The following KHDC4 variants were observed in gnomAD, a reference collection of about 807,000 sequenced individuals.
The protein encoded by KHDC4 is KH homology domain-containing protein 4.
A neutral mutation model predicts 74.5 loss-of-function variants in KHDC4; 19 were observed. The ratio of observed to expected loss-of-function variants is 0.26; its 90% CI spans 0.18 to 0.37. KHDC4 has a LOEUF of 0.37. Ranked by LOEUF, KHDC4 falls within the 10% of genes least tolerant of loss-of-function variation. The pLI, the probability that KHDC4 is intolerant of heterozygous loss-of-function variation, is 1.00. For missense variants in KHDC4, 632 were observed against 754.1 expected (o/e 0.84, Z 1.90); for synonymous variants, 253 against 266.1 (o/e 0.95, Z 0.48).
At chr1:155,926,414 C>T (rs1673999004) in intron 6 of KHDC4, 4 of 425,914 alleles carry the variant, frequency 9.4e-6, no homozygotes, top group Non-Finnish European at 1.3e-5. Context: ...CCTGCAACCT[C>T]CACCTCCCGG....
intron 4 of KHDC4, 121 bp from the exon 5 acceptor site, chr1:155,927,277 AC>A: frequency 1.4e-6 from 1 of 704,960 alleles, no homozygotes; most frequent in South Asian, 1.7e-5. Context: ...GGGACTATAT[AC>A]ATTAGAAGGG....
At position 155,927,562 on chromosome 1, in the gene KHDC4, T is replaced by C. The variant is rs568480597; in HGVS notation, c.465-406A>G. Reference sequence around the variant, plus strand: ...GCTCATGTCTGTAATCCCAGCACTTTGGGAGGCTGAGGTGGGTGGATGACA... The same window carrying C: ...GCTCATGTCTGTAATCCCAGCACTTCGGGAGGCTGAGGTGGGTGGATGACA... On this transcript the variant is annotated intron_variant, in intron 4 of 13. Transcript: ENST00000368321. 1.2e-4 allele frequency among the ~76,000 whole-genome samples: 18 copies of C among 152,128 alleles called. No homozygotes were observed. The East Asian group carries it at 3.5e-3, about 29-fold the overall frequency.
At chr1:155,916,569 A>G in intron 12 of KHDC4, 56 bp downstream of exon 12, 1 of 1,174,248 alleles carries the variant, frequency 8.5e-7, no homozygotes, top group Non-Finnish European at 1.3e-6. Flanking sequence ...CATTACTCTC[A>G]CTAATGGTGC....
At position 155,916,654 on chromosome 1, in the gene KHDC4, A is replaced by G; in HGVS notation, c.1524T>C (p.Ser508=). The G allele has an allele frequency of 6.2e-7, 1 of 1,613,606 alleles. No individual in the cohort carries two copies. The highest frequency in any genetic ancestry group is 8.5e-7 in the Non-Finnish European group (1 of 1,179,842). The change falls in exon 12 of 14, where the codon AGT becomes AGC. Residue 508 remains serine, a synonymous_variant. Transcript: ENST00000368321. ...EIEGAGSKPA[S]SSGKERERDR... is the part of the protein sequence containing the mutation. ...CCCTCTCTCTCTCTTTGCCTGAGGA[A>G]CTTGCTGGCTTCGATCCTGCACCTT...
At chr1:155,919,911 C>A (rs759907768) in intron 10 of KHDC4, 2 of 367,118 alleles carry the variant, frequency 5.4e-6, no homozygotes, top group Non-Finnish European at 1.1e-5. Flanking sequence ...TTGTTACACA[C>A]TGTGCAACCC....
rs1278560152 is a variant in KHDC4, at chr1:155,921,379, C to T, written c.1262G>A (p.Gly421Glu). ...ITQVQPPASTGQSPMGGPFIP... is the reference protein window; with the variant it reads ...ITQVQPPASTEQSPMGGPFIP... The stretch of plus-strand genomic sequence containing the variant: ...TTGCATATCCTGACATCCTACCTGT[C>T]CAGTGCTAGCTGGAGGCTGCACTTG... The change falls in exon 10 of 14, where the codon GGA (glycine) becomes GAA (glutamate). Residue 421 changes from glycine (G) to glutamate (E), a missense_variant. Gly to Glu is a moderately conservative substitution (Grantham distance 98, BLOSUM62 -2). Coordinates refer to ENST00000368321, the MANE Select transcript of KHDC4 (RefSeq NM_014949.4). 6.2e-7 allele frequency: 1 copy of T among 1,614,032 alleles called. No individual in the cohort carries two copies. Among genetic ancestry groups the T allele is most frequent in the Non-Finnish European group, 8.5e-7 (1 of 1,179,920 alleles).
chr1:155,932,545 G>A (rs1426317815), intron 2 of KHDC4: 4 of 151,972 alleles, frequency 2.6e-5, no homozygotes, highest in African/African-American at 9.7e-5. Flanking sequence ...GAAAAAAAAA[G>A]AGCTTAAACG....
chr1:155,915,640 T>G, intron 13 of KHDC4: 1 of 448,596 alleles, frequency 2.2e-6, no homozygotes, highest in Non-Finnish European at 3.9e-6. Context: ...CCTGAGTAGC[T>G]GGAATTACAG....
At chr1:155,928,593 C>A (rs140936884) in intron 4 of KHDC4, among the ~76,000 whole-genome samples, 182 of 89,170 alleles carry the variant, frequency 2.0e-3, no homozygotes, top group African/African-American at 5.7e-3. Flanking sequence ...ATCATAAAGA[C>A]AAAAAAAAAA....
At chr1:155,930,172 C>G (rs1674111160) in intron 2 of KHDC4, among the ~76,000 whole-genome samples, 1 of 152,164 alleles carries the variant, frequency 6.6e-6, no homozygotes, top group Non-Finnish European at 1.5e-5. Flanking sequence ...CTCGGCCTCC[C>G]AAAGTGCTGG....
intron 11 of KHDC4, among the ~76,000 whole-genome samples, chr1:155,917,291 A>G (rs1673753843): frequency 1.3e-5 from 2 of 152,156 alleles, no homozygotes; most frequent in South Asian, 2.1e-4. Flanking sequence ...ATACTGGTAG[A>G]TCAAGAGCTT....
intron 2 of KHDC4, 44 bp from the exon 3 acceptor site, chr1:155,929,884 TAA>T (rs773036471): frequency 2.2e-6 from 3 of 1,349,080 alleles, no homozygotes; most frequent in East Asian, 2.7e-5. Context: ...TATGATGAGA[TAA>T]AGTCTATTTT....
intron 3 of KHDC4, 66 bp downstream of exon 3, chr1:155,929,646 A>G (rs1674100881): frequency 1.3e-6 from 2 of 1,549,058 alleles, no homozygotes; most frequent in South Asian, 2.4e-5. Context: ...ACGCCTGTCT[A>G]TTTAGAGGTC....
intron 1 of KHDC4, 79 bp downstream of exon 1, chr1:155,934,257 T>C: frequency 1.4e-6 from 2 of 1,455,172 alleles, no homozygotes; most frequent in Non-Finnish European, 1.9e-6. Context: ...CCTTCCACCC[T>C]ATACGCAGCT....
chr1:155,934,191 G>C lies in KHDC4; in HGVS notation c.38+145C>G. The C allele has an allele frequency of 3.2e-6, 3 of 930,656 alleles. No homozygotes were observed. The South Asian group carries it at 4.9e-5, about 15-fold the overall frequency. 57.6% of individuals were successfully genotyped at this position (930,656 alleles called of 1,614,324 possible). ...CCCGCCGGCCCTTTAAGGGCCCCAG[G>C]CCTGCTCAAGATCCTTCTCCCCAAA... is the stretch of plus-strand genomic sequence containing the variant. On this transcript the variant is annotated intron_variant, in intron 1 of 13. Coordinates refer to ENST00000368321, the MANE Select transcript of KHDC4 (RefSeq NM_014949.4).
chr1:155,914,239 T>C lies in KHDC4; in HGVS notation c.1727A>G (p.Glu576Gly). Reference protein sequence around the residue: ...AYAADSSDEEEEHGGHKNASS... With the variant: ...AYAADSSDEEGEHGGHKNASS... ...TGCATTTTTATGACCTCCATGTTCC[T>C]CCTCTTCATCAGATGAATCTGCAGC... is the stretch of plus-strand genomic sequence containing the variant. The change falls in exon 14 of 14, where the codon GAG (glutamate) becomes GGG (glycine). Residue 576 changes from glutamate (E) to glycine (G), a missense_variant. Physicochemically the swap from Glu to Gly is moderately conservative, Grantham distance 98 (BLOSUM62 -2). This residue lies in a region of KHDC4 where 41 missense variants were observed against 66.0 expected (regional missense o/e 0.62). Coordinates refer to ENST00000368321, the MANE Select transcript of KHDC4 (RefSeq NM_014949.4). 1 of 1,614,032 alleles carries C rather than the reference T, an allele frequency of 6.2e-7. No homozygotes were observed. Among genetic ancestry groups the C allele is most frequent in the Non-Finnish European group, 8.5e-7 (1 of 1,179,962 alleles).
chr1:155,916,870 G>T, intron 11 of KHDC4, 133 bp from the exon 12 acceptor site: 2 of 620,448 alleles, frequency 3.2e-6, no homozygotes, highest in Non-Finnish European at 2.8e-6. Context: ...AAGCTCTTTG[G>T]GATCTGCTGT....
chr1:155,932,596 T>A (rs1382099396), intron 2 of KHDC4: 2 of 152,222 alleles, frequency 1.3e-5, no homozygotes, highest in African/African-American at 4.8e-5. Flanking sequence ...CAAGGAGCAC[T>A]ACATCTTTGT....
intron 13 of KHDC4, chr1:155,914,885 T>C (rs1339175966): frequency 6.5e-6 from 1 of 152,830 alleles, no homozygotes; most frequent in Non-Finnish European, 1.5e-5. Context: ...GATGACCTCC[T>C]GGTATTCACA....
Sources: gnomAD v4.1 joint callset for allele counts (sites outside exome capture counted in the v4.1 genomes callset) on GRCh38, gnomAD v4.1.1 for gene constraint, gnomAD v4.1.1 regional missense constraint, MANE v1.5 for transcripts, NCBI Gene and HGNC (gene_info 2026-07-23, HGNC 2026-07-21) for gene names.